Variants in KDM3B observed in about 807,000 individuals in gnomAD.
KDM3B encodes the protein lysine-specific demethylase 3B.
KDM3B carries 10 observed loss-of-function variants against 170.0 expected under a neutral mutation model. The observed-to-expected ratio is 0.06, with a 90% CI of 0.04 to 0.10. KDM3B has a LOEUF of 0.10. Ranked by LOEUF, KDM3B falls within the 10% of genes least tolerant of loss-of-function variation. KDM3B has a pLI of 1.00. For missense variants in KDM3B, 1,394 were observed against 2,195.2 expected (o/e 0.64, Z 7.29); for synonymous variants, 831 against 834.8 (o/e 1.00, Z 0.08).
chr5:138,360,572 CTTTTTTTT>C (rs61340392), intron 1 of KDM3B, among the ~76,000 whole-genome samples: 1 of 102,038 alleles, frequency 9.8e-6, no homozygotes, highest in Non-Finnish European at 1.9e-5. Flanking sequence ...AGTTCTATTT[CTTTTTTTT>C]TTTTTTTTTT....
intron 2 of KDM3B, 41 bp downstream of exon 2, chr5:138,372,882 C>T: frequency 6.4e-7 from 1 of 1,556,694 alleles, no homozygotes; most frequent in Non-Finnish European, 8.8e-7. Context: ...CTGAGCTTTA[C>T]TCCTATAATA....
chr5:138,398,957 C>T (rs961198853), intron 10 of KDM3B, among the ~76,000 whole-genome samples: 8 of 144,356 alleles, frequency 5.5e-5, no homozygotes, highest in Non-Finnish European at 9.0e-5. Context: ...GGCACAATCT[C>T]GGCTCACTGC....
At position 138,352,833 on chromosome 5, in the gene KDM3B, TG is replaced by T; in HGVS notation, c.39del (p.Leu14CysfsTer42). The T allele has an allele frequency of 7.4e-7, 1 of 1,345,398 alleles. No homozygotes were observed. Among genetic ancestry groups the T allele is most frequent in the Non-Finnish European group, 9.6e-7 (1 of 1,044,870 alleles). The allele number at this position is 1,345,398 out of a possible 1,614,324, so 83.3% of individuals were successfully genotyped here. A position where few individuals can be genotyped will look rare whatever the true frequency, so the allele number is the denominator to read the frequency against. ...GCGGCCTCCCCGGTGGGCAAGCGGC[TG>T]CTGCTGCTGTTCGCGGACACTGCGG... Reference protein sequence around the residue: ...DAAASPVGKRLLLLFADTAAS... With the variant: ...DAAASPVGKRXLLLFADTAAS... On this transcript the variant is annotated frameshift_variant, in exon 1 of 24. Coordinates refer to ENST00000314358, the MANE Select transcript of KDM3B (RefSeq NM_016604.4). LOFTEE classifies it high-confidence loss of function.
At chr5:138,384,221 G>A (rs1273099113) in intron 6 of KDM3B, among the ~76,000 whole-genome samples, 1 of 151,504 alleles carries the variant, frequency 6.6e-6, no homozygotes, top group African/African-American at 2.4e-5. Context: ...ACTCCAGCCT[G>A]GGTGACAGAG....
intron 14 of KDM3B, among the ~76,000 whole-genome samples, chr5:138,419,668 A>AAATATAT (rs1408643891): frequency 2.7e-4 from 30 of 109,228 alleles, no homozygotes; most frequent in African/African-American, 1.1e-3. Context: ...AAAAAAAAAA[A>AAATATAT]ATATATATAT....
chr5:138,372,114 A>G (rs990034460), intron 1 of KDM3B, among the ~76,000 whole-genome samples: 11 of 152,228 alleles, frequency 7.2e-5, no homozygotes, highest in Non-Finnish European at 1.2e-4. Context: ...CCCTGTCTCA[A>G]TCGATCAATC....
chr5:138,420,043 GC>G (rs1269801451), intron 14 of KDM3B, among the ~76,000 whole-genome samples: 1 of 151,912 alleles, frequency 6.6e-6, no homozygotes, highest in Non-Finnish European at 1.5e-5. Flanking sequence ...GTGCCACCAC[GC>G]CCAGCTAATT....
chr5:138,352,913 C>A lies in KDM3B; in HGVS notation c.118C>A (p.Pro40Thr). Reference sequence around the variant, plus strand: ...GGCAGCGGCGAGCGGAGATCCGGGGCCTGCGCTGCGCACTCGAGCCTGGCG... The same window carrying A: ...GGCAGCGGCGAGCGGAGATCCGGGGACTGCGCTGCGCACTCGAGCCTGGCG... ...AAAAASGDPGPALRTRAWRAG... is the reference protein window; with the variant it reads ...AAAAASGDPGTALRTRAWRAG... Residue 40 changes from proline to threonine, a missense_variant, in exon 1 of 24, where the codon CCT (proline) becomes ACT (threonine). Coordinates refer to ENST00000314358, the MANE Select transcript of KDM3B (RefSeq NM_016604.4). 7.3e-7 allele frequency: 1 copy of A among 1,363,702 alleles called. No individual in the cohort carries two copies. The highest frequency in any genetic ancestry group is 1.7e-5 in the South Asian group (1 of 60,352). The allele number at this position is 1,363,702 out of a possible 1,614,324, so 84.5% of individuals were successfully genotyped here. A position where few individuals can be genotyped will look rare whatever the true frequency, so the allele number is the denominator to read the frequency against.
At chr5:138,384,939 AG>A (rs1389044533) in intron 6 of KDM3B, among the ~76,000 whole-genome samples, 1 of 151,884 alleles carries the variant, frequency 6.6e-6, no homozygotes, top group Non-Finnish European at 1.5e-5. Context: ...AAGGAAAGAA[AG>A]GTTTAGAAAC....
chr5:138,411,208 C>G (rs1271648149), intron 11 of KDM3B, among the ~76,000 whole-genome samples: 1 of 152,234 alleles, frequency 6.6e-6, no homozygotes, highest in Non-Finnish European at 1.5e-5. Context: ...CCAAGGAGCC[C>G]TCTGGTGGCC....
chr5:138,367,667 G>C (rs1580881451), intron 1 of KDM3B, among the ~76,000 whole-genome samples: 2 of 152,052 alleles, frequency 1.3e-5, no homozygotes, highest in Non-Finnish European at 2.9e-5. Flanking sequence ...AATTTAATCA[G>C]ACTTTTTAAA....
rs1763672509 is a variant in KDM3B at position 138,436,334 on chromosome 5, GA to G, written c.*637del. On this transcript the variant is annotated 3_prime_UTR_variant, in exon 24 of 24. Coordinates refer to ENST00000314358, the MANE Select transcript of KDM3B (RefSeq NM_016604.4). ...TGTAGTGAAATAGTTACTATTTCAT[GA>G]AAGTAGATATTTTTAGAATTTTTGA... is the stretch of plus-strand genomic sequence containing the variant. 6.6e-6 allele frequency: 1 copy of G among 152,202 alleles called. No individual in the cohort carries two copies. The highest frequency in any genetic ancestry group is 6.5e-5 in the Admixed American group (1 of 15,274). The allele number at this position is 152,202 out of a possible 1,614,324, so 9.4% of individuals were successfully genotyped here.
intron 15 of KDM3B, among the ~76,000 whole-genome samples, chr5:138,423,364 A>G (rs1763320978): frequency 6.6e-6 from 1 of 152,234 alleles, no homozygotes; most frequent in South Asian, 2.1e-4. Context: ...ACATAATTAT[A>G]CATACTTTAT....
intron 15 of KDM3B, among the ~76,000 whole-genome samples, chr5:138,421,722 A>C (rs141450067): frequency 6.6e-6 from 1 of 152,354 alleles, no homozygotes; most frequent in Admixed American, 6.5e-5. Context: ...GAAAAGGAGA[A>C]AAATAATAAA....
At chr5:138,419,532 G>C (rs1763199526) in intron 14 of KDM3B, among the ~76,000 whole-genome samples, 1 of 150,900 alleles carries the variant, frequency 6.6e-6, no homozygotes, top group African/African-American at 2.4e-5. Context: ...GCGGGTGCCT[G>C]TAGTCCCAGC....
In KDM3B at chr5:138,379,725, TTCTG is replaced by T. The variant is rs1762081158; in HGVS notation, c.705+21_705+24del. 6.2e-7 allele frequency: 1 copy of T among 1,610,840 alleles called. No individual in the cohort carries two copies. Among genetic ancestry groups the T allele is most frequent in the African/African-American group, 1.3e-5 (1 of 74,812 alleles). ...GTAACTGAGGTGAGACTCTGTGTTATTCTGTCTAAGGTCCATCCATCCCCTTAAA... is the reference window on the plus strand; with the variant it reads ...GTAACTGAGGTGAGACTCTGTGTTATTCTAAGGTCCATCCATCCCCTTAAA... On this transcript the variant is annotated intron_variant, in intron 5 of 23. Coordinates refer to ENST00000314358, the MANE Select transcript of KDM3B (RefSeq NM_016604.4).
intron 15 of KDM3B, among the ~76,000 whole-genome samples, chr5:138,421,323 G>A (rs1763268355): frequency 6.6e-6 from 1 of 152,146 alleles, no homozygotes; most frequent in Admixed American, 6.6e-5. Flanking sequence ...GCCTAAGCCT[G>A]AACTCCTGAT....
chr5:138,384,039 G>A (rs999428613), intron 6 of KDM3B, among the ~76,000 whole-genome samples: 3 of 146,308 alleles, frequency 2.1e-5, no homozygotes, highest in Non-Finnish European at 4.5e-5. Flanking sequence ...GCTGGATCAC[G>A]AGGTCAGGAG....
rs1029652565 is a variant in KDM3B, at chr5:138,353,231, C to A, written c.192+244C>A. On this transcript the variant is annotated intron_variant, in intron 1 of 23. Transcript: ENST00000314358. ...GGGCGTCCGGAGCTGCTGCTTGCAG[C>A]CAGCAGGCCCCGCCTCCTGGGCGAC... Among the ~76,000 whole-genome samples the A allele has an allele frequency of 2.0e-5, 3 of 152,338 alleles. No individual in the cohort carries two copies. The South Asian group carries it at 6.2e-4, about 32-fold the overall frequency.
Sources: gnomAD v4.1 joint callset for allele counts (sites outside exome capture counted in the v4.1 genomes callset) on GRCh38, gnomAD v4.1.1 for gene constraint, MANE v1.5 for transcripts, NCBI Gene and HGNC (gene_info 2026-07-23, HGNC 2026-07-21) for gene names.